The following MIPOL1 variants were observed in gnomAD, a reference collection of about 807,000 sequenced individuals.
The protein encoded by MIPOL1 is mirror-image polydactyly 1, also known as mirror-image polydactyly gene 1 protein.
A neutral mutation model predicts 60.9 loss-of-function variants in MIPOL1; 57 were observed. That is an observed-to-expected ratio of 0.94 (90% confidence interval 0.76 to 1.17). MIPOL1 has a LOEUF of 1.17. MIPOL1 is among the 50% of genes most tolerant of loss of function. The pLI, the probability that MIPOL1 is intolerant of heterozygous loss-of-function variation, is 0.00. For missense variants in MIPOL1, 551 were observed against 511.6 expected (o/e 1.08, Z -0.74); for synonymous variants, 179 against 168.8 (o/e 1.06, Z -0.47).
intron 9 of MIPOL1, among the ~76,000 whole-genome samples, chr14:37,342,791 CTAAA>C (rs1209731721): frequency 4.6e-5 from 7 of 152,056 alleles, no homozygotes; most frequent in African/African-American, 9.7e-5. Context: ...GCACAGCTTA[CTAAA>C]TAAATAGCTA....
chr14:37,295,582 A>T (rs998224583), intron 7 of MIPOL1, among the ~76,000 whole-genome samples: 2 of 152,178 alleles, frequency 1.3e-5, no homozygotes, highest in African/African-American at 4.8e-5. Flanking sequence ...AGACACACAT[A>T]GGCTCAAAAT....
intron 11 of MIPOL1, among the ~76,000 whole-genome samples, chr14:37,494,601 C>G (rs1036597123): frequency 2.0e-5 from 3 of 152,120 alleles, no homozygotes; most frequent in Admixed American, 6.6e-5. Flanking sequence ...GAAGAGGTTT[C>G]CAGTGCAGAC....
chr14:37,237,441 T>G (rs1208165833), intron 1 of MIPOL1, among the ~76,000 whole-genome samples: 1 of 152,136 alleles, frequency 6.6e-6, no homozygotes, highest in Non-Finnish European at 1.5e-5. Context: ...TTTGATGTTT[T>G]TTTTTGGTTG....
intron 10 of MIPOL1, among the ~76,000 whole-genome samples, chr14:37,371,401 A>G (rs1271985590): frequency 6.6e-6 from 1 of 152,158 alleles, no homozygotes; most frequent in Non-Finnish European, 1.5e-5. Context: ...ACTGAAGACT[A>G]CTATCTAATT....
Position 37,480,743 on chromosome 14 carries a change from A to G in MIPOL1, c.1032-19165A>G, listed in dbSNP as rs1269922136. Among the ~76,000 whole-genome samples, 3 of 152,298 alleles carry G rather than the reference A, an allele frequency of 2.0e-5. No individual in the cohort carries two copies. The South Asian group carries it at 6.2e-4, about 32-fold the overall frequency. ...AAGAGAAAGAAATAAAAGTCATTCA[A>G]ATAGGAAAGAAAGAAGTGAAATTGT... On this transcript the variant is annotated intron_variant, in intron 11 of 12. Transcript: ENST00000684589.
chr14:37,248,395 G>C (rs1365305464), intron 3 of MIPOL1, among the ~76,000 whole-genome samples: 1 of 151,920 alleles, frequency 6.6e-6, no homozygotes, highest in East Asian at 1.9e-4. Flanking sequence ...CATACACAGA[G>C]ACTCATAGAG....
At position 37,247,862 on chromosome 14, in the gene MIPOL1, C is replaced by G. The variant is rs1973423626; in HGVS notation, c.-27C>G. On this transcript the variant is annotated 5_prime_UTR_variant, in exon 3 of 13. Coordinates refer to ENST00000684589, the MANE Select transcript of MIPOL1 (RefSeq NM_001388067.1). Reference sequence around the variant, plus strand: ...CTTGGAGCAAAAACCAGAGACATTGCCAGAGCAAACAAGAACAGAAATACA... The same window carrying G: ...CTTGGAGCAAAAACCAGAGACATTGGCAGAGCAAACAAGAACAGAAATACA... 6.2e-7 allele frequency: 1 copy of G among 1,611,444 alleles called. No homozygotes were observed. Among genetic ancestry groups the G allele is most frequent in the African/African-American group, 1.3e-5 (1 of 74,678 alleles).
chr14:37,515,713 G>A (rs1173544749), intron 12 of MIPOL1, among the ~76,000 whole-genome samples: 1 of 152,086 alleles, frequency 6.6e-6, no homozygotes, highest in East Asian at 1.9e-4. Context: ...CTCTAGTACC[G>A]ACTCTCAGAG....
intron 1 of MIPOL1, among the ~76,000 whole-genome samples, chr14:37,229,839 G>C (rs958097704): frequency 6.6e-6 from 1 of 152,074 alleles, no homozygotes; most frequent in African/African-American, 2.4e-5. Context: ...AAGACTGCAT[G>C]GTCTCATTTA....
At chr14:37,467,782 C>T (rs1007804603) in intron 11 of MIPOL1, among the ~76,000 whole-genome samples, 3 of 151,912 alleles carry the variant, frequency 2.0e-5, no homozygotes, top group Non-Finnish European at 4.4e-5. Flanking sequence ...TGGCCGGGTG[C>T]GGTGGCTCAT....
chr14:37,228,305 G>A (rs1163743855), intron 1 of MIPOL1, among the ~76,000 whole-genome samples: 2 of 150,192 alleles, frequency 1.3e-5, no homozygotes, highest in African/African-American at 4.9e-5. Flanking sequence ...GGTTCCTCAG[G>A]TCAATGATTT....
intron 11 of MIPOL1, among the ~76,000 whole-genome samples, chr14:37,441,976 T>G (rs2094253590): frequency 6.6e-6 from 1 of 152,150 alleles, no homozygotes; most frequent in Non-Finnish European, 1.5e-5. Context: ...GTAGAGATCT[T>G]GACCACCTAA....
chr14:37,465,375 G>T (rs2094586048), intron 11 of MIPOL1, among the ~76,000 whole-genome samples: 1 of 152,052 alleles, frequency 6.6e-6, no homozygotes, highest in Non-Finnish European at 1.5e-5. Context: ...CTAATAGTAG[G>T]AAACTATTTC....
At chr14:37,330,020 A>T (rs2089529497) in intron 9 of MIPOL1, among the ~76,000 whole-genome samples, 2 of 9,284 alleles carry the variant, frequency 2.2e-4, no homozygotes. Flanking sequence ...TAGTTGTATT[A>T]GCCAGAGAAG....
intron 12 of MIPOL1, among the ~76,000 whole-genome samples, chr14:37,540,260 CT>C (rs1443910831): frequency 3.9e-5 from 6 of 152,152 alleles, no homozygotes; most frequent in African/African-American, 1.4e-4. Context: ...CTACCTTCAC[CT>C]TTTCACTTAT....
chr14:37,531,844 T>C (rs1169171865), intron 12 of MIPOL1, among the ~76,000 whole-genome samples: 2 of 152,040 alleles, frequency 1.3e-5, no homozygotes, highest in Non-Finnish European at 2.9e-5. Flanking sequence ...ATATGGTACA[T>C]TGAGGGGAGA....
intron 1 of MIPOL1, 61 bp from the exon 2 acceptor site, chr14:37,247,042 G>T (rs1973303364): frequency 6.6e-6 from 1 of 152,320 alleles, no homozygotes; most frequent in Non-Finnish European, 1.5e-5. Flanking sequence ...CAATATGTAG[G>T]GAAATGGCTT....
rs1444400277 is a variant in MIPOL1 at position 37,524,566 on chromosome 14, TTTTC to T, written c.1263-22335_1263-22332del. 9.3e-4 allele frequency among the ~76,000 whole-genome samples: 17 copies of T among 18,262 alleles called. 2 individuals carry two copies. In the East Asian group the frequency reaches 0.061, roughly 65 times the overall value. 12.0% of individuals were successfully genotyped at this position (18,262 alleles called of 152,430 possible). A position where few individuals can be genotyped will look rare whatever the true frequency, so the allele number is the denominator to read the frequency against. On this transcript the variant is annotated intron_variant, in intron 12 of 12. Transcript: ENST00000684589. The stretch of plus-strand genomic sequence containing the variant: ...CTTGACATCTTAATTTTTCTTTTTC[TTTTC>T]TTTTTTTTTTTTTTTGAGATGGAGT...
intron 11 of MIPOL1, among the ~76,000 whole-genome samples, chr14:37,461,406 C>A (rs181226037): frequency 6.6e-6 from 1 of 152,194 alleles, no homozygotes; most frequent in East Asian, 1.9e-4. Context: ...AAAGACCCTC[C>A]CCTATAATTC....
Sources: gnomAD v4.1 joint callset for allele counts (sites outside exome capture counted in the v4.1 genomes callset) on GRCh38, gnomAD v4.1.1 for gene constraint, MANE v1.5 for transcripts, NCBI Gene and HGNC (gene_info 2026-07-23, HGNC 2026-07-21) for gene names.